The following CDH17 variants were observed in gnomAD, a reference collection of about 807,000 sequenced individuals.
The protein encoded by CDH17 is cadherin-17.
Under a neutral mutation model 86.3 loss-of-function variants are expected in CDH17, and 67 were observed. The ratio of observed to expected loss-of-function variants is 0.78; its 90% CI spans 0.64 to 0.95. CDH17 has a LOEUF of 0.95. Ranked by LOEUF, CDH17 falls within the 40% of genes least tolerant of loss-of-function variation. The probability of loss-of-function intolerance (pLI) is 0.00; values close to 1 mark genes in which losing one functional copy is unlikely to be tolerated. For missense variants in CDH17, 993 were observed against 1,017.6 expected (o/e 0.98, Z 0.33); for synonymous variants, 367 against 366.4 (o/e 1.00, Z -0.02).
intron 7 of CDH17, among the ~76,000 whole-genome samples, chr8:94,171,231 T>C (rs1046115638): frequency 2.0e-5 from 3 of 152,122 alleles, no homozygotes; most frequent in Non-Finnish European, 4.4e-5. Flanking sequence ...TCACAAACCC[T>C]CTACAGGGTT....
At chr8:94,162,544 C>G (rs1428618616) in intron 10 of CDH17, among the ~76,000 whole-genome samples, 2 of 152,192 alleles carry the variant, frequency 1.3e-5, no homozygotes, top group Non-Finnish European at 2.9e-5. Context: ...TTCCAGAAAG[C>G]CTTCTGTGAG....
chr8:94,160,065 T>G lies in CDH17; in HGVS notation c.1457A>C (p.Lys486Thr), dbSNP rs1378545475. ...TCCCTTTATGATATGATACAGAATT[T>G]TAGAACTCCCAGTAAATGGCTCATC... ...DADEPFTGSSKILYHIIKGDS... is the reference protein window; with the variant it reads ...DADEPFTGSSTILYHIIKGDS... Residue 486 changes from lysine (K) to threonine (T), a missense_variant, in exon 12 of 18, where the codon AAA (lysine) becomes ACA (threonine). By Grantham distance (78) the Lys-to-Thr change is moderately conservative. Coordinates refer to ENST00000027335, the MANE Select transcript of CDH17 (RefSeq NM_004063.4). 1 of 1,613,826 alleles carries G rather than the reference T, an allele frequency of 6.2e-7. No individual in the cohort carries two copies. The highest frequency in any genetic ancestry group is 1.7e-5 in the Admixed American group (1 of 59,982).
chr8:94,198,337 A>T (rs1473714988), intron 1 of CDH17, among the ~76,000 whole-genome samples: 1 of 152,156 alleles, frequency 6.6e-6, no homozygotes, highest in Non-Finnish European at 1.5e-5. Context: ...TTTAGAATTA[A>T]CTCATAGTTA....
upstream of CDH17, among the ~76,000 whole-genome samples, chr8:94,210,706 G>A (rs1187647709): frequency 6.6e-6 from 1 of 152,162 alleles, no homozygotes; most frequent in African/African-American, 2.4e-5. Flanking sequence ...CCAAAGCAAA[G>A]GAGGTATGAT....
intron 15 of CDH17, among the ~76,000 whole-genome samples, chr8:94,135,424 T>A (rs1382337209): frequency 6.6e-6 from 1 of 152,222 alleles, no homozygotes; most frequent in Non-Finnish European, 1.5e-5. Context: ...GCCTCCTTTG[T>A]CTCTTTTCAT....
chr8:94,134,143 T>C (rs1475754912), intron 15 of CDH17, among the ~76,000 whole-genome samples: 1 of 152,220 alleles, frequency 6.6e-6, no homozygotes, highest in Admixed American at 6.5e-5. Context: ...CTGCCAGACT[T>C]TGGCATCAGG....
At chr8:94,142,331 A>T (rs1404975704) in intron 15 of CDH17, among the ~76,000 whole-genome samples, 2 of 152,234 alleles carry the variant, frequency 1.3e-5, no homozygotes, top group Non-Finnish European at 2.9e-5. Flanking sequence ...ATACCTAAAA[A>T]TAAAAAACCC....
chr8:94,194,060 CCTA>C (rs1813735786), intron 2 of CDH17, among the ~76,000 whole-genome samples: 1 of 152,050 alleles, frequency 6.6e-6, no homozygotes, highest in African/African-American at 2.4e-5. Context: ...AAAAAAGGCA[CCTA>C]CTGTTTACCC....
In CDH17 at chr8:94,146,018, C is replaced by G. The variant is rs745495991; in HGVS notation, c.2077G>C (p.Asp693His). 75 of 1,613,742 alleles carry G rather than the reference C, an allele frequency of 4.6e-5. No individual in the cohort carries two copies. The highest frequency in any genetic ancestry group is 6.0e-5 in the Non-Finnish European group (71 of 1,179,886). The stretch of plus-strand genomic sequence containing the variant: ...GGACCCCGAAATAAGTGCTGATCAT[C>G]ATCAGTAGCCTCGAAAATGAGACTT... Reference protein sequence around the residue: ...PGSLIFEATDDDQHLFRGPHF... With the variant: ...PGSLIFEATDHDQHLFRGPHF... The change falls in exon 15 of 18, where the codon GAT becomes CAT. Residue 693 changes from aspartate (D) to histidine (H), a missense_variant. By Grantham distance (81) the Asp-to-His change is moderately conservative. Coordinates refer to ENST00000027335, the MANE Select transcript of CDH17 (RefSeq NM_004063.4).
At chr8:94,163,450 C>G (rs1204381718) in intron 10 of CDH17, among the ~76,000 whole-genome samples, 1 of 152,228 alleles carries the variant, frequency 6.6e-6, no homozygotes, top group Non-Finnish European at 1.5e-5. Context: ...AAGAGTGTAG[C>G]TGGGGGTGTC....
intron 9 of CDH17, 152 bp downstream of exon 9, chr8:94,170,245 G>A (rs951808168): frequency 2.0e-5 from 14 of 709,014 alleles, no homozygotes; most frequent in East Asian, 5.4e-5. Flanking sequence ...TCCCAAATAC[G>A]GTCCTTACGT....
chr8:94,209,456 A>G (rs1039746465), upstream of CDH17, among the ~76,000 whole-genome samples: 3 of 152,164 alleles, frequency 2.0e-5, no homozygotes, highest in Non-Finnish European at 4.4e-5. Context: ...CCAGGTGTGC[A>G]TCTGACAGAG....
rs1366451790 is a variant in CDH17 at position 94,170,959 on chromosome 8, T to C, written c.810A>G (p.Gln270=). The change falls in exon 8 of 18, where the codon CAA becomes CAG. Residue 270 remains glutamine (Q), a synonymous_variant. Coordinates refer to ENST00000027335, the MANE Select transcript of CDH17 (RefSeq NM_004063.4). The stretch of plus-strand genomic sequence containing the variant: ...GCTTCTCTTTGTCAACTAAGGAATA[T>C]TGTGCACCGGGATCATTCCACCGCA... ...TQVRWNDPGA[Q]YSLVDKEKLP... The C allele has an allele frequency of 3.7e-6, 6 of 1,613,790 alleles. No homozygotes were observed. Among genetic ancestry groups the C allele is most frequent in the Admixed American group, 3.3e-5 (2 of 59,996 alleles).
chr8:94,141,756 AT>A (rs1812642735), intron 15 of CDH17, among the ~76,000 whole-genome samples: 3 of 152,164 alleles, frequency 2.0e-5, no homozygotes, highest in Non-Finnish European at 4.4e-5. Flanking sequence ...GACATATACC[AT>A]GTTCATGAAT....
At chr8:94,177,090 C>T (rs1813388677) in intron 4 of CDH17, among the ~76,000 whole-genome samples, 2 of 152,148 alleles carry the variant, frequency 1.3e-5, no homozygotes, top group South Asian at 4.1e-4. Flanking sequence ...TCTGACTTTC[C>T]TAGGTATTCA....
chr8:94,139,257 A>AAAC (rs1378154033), intron 15 of CDH17, among the ~76,000 whole-genome samples: 1 of 152,186 alleles, frequency 6.6e-6, no homozygotes, highest in Non-Finnish European at 1.5e-5. Context: ...TAGCAGGAAA[A>AAAC]AACAGTAAAC....
At chr8:94,129,666 C>A (rs1812371439) in intron 17 of CDH17, among the ~76,000 whole-genome samples, 1 of 152,074 alleles carries the variant, frequency 6.6e-6, no homozygotes, top group Non-Finnish European at 1.5e-5. Context: ...GTGGGGACAA[C>A]AGTTGAAAGA....
chr8:94,175,143 T>C (rs1813348317), intron 5 of CDH17, among the ~76,000 whole-genome samples: 1 of 152,080 alleles, frequency 6.6e-6, no homozygotes, highest in African/African-American at 2.4e-5. Context: ...CCTAGAAAAA[T>C]AGCTGTTAAG....
chr8:94,180,944 A>G (rs1813471694), intron 3 of CDH17, among the ~76,000 whole-genome samples: 2 of 108,390 alleles, frequency 1.8e-5, no homozygotes, highest in African/African-American at 9.0e-5. Flanking sequence ...CAAACAAACC[A>G]AAAAAAAAAA....
Sources: allele counts gnomAD v4.1 joint callset (sites outside exome capture counted in the v4.1 genomes callset), GRCh38; gene constraint gnomAD v4.1.1; transcripts MANE v1.5; gene names NCBI Gene and HGNC (gene_info 2026-07-23, HGNC 2026-07-21).